The following DUSP22 variants were observed in gnomAD, a reference collection of about 807,000 sequenced individuals.
DUSP22 encodes the protein dual specificity phosphatase 22.
DUSP22 carries 24 observed loss-of-function variants against 24.5 expected under a neutral mutation model. The observed-to-expected ratio is 0.98, with a 90% CI of 0.71 to 1.38. The LOEUF is 1.38. Ranked by LOEUF, DUSP22 falls within the 40% of genes most tolerant of loss-of-function variation. The pLI is 0.00. For synonymous variants in DUSP22, 160 were observed against 106.4 expected, an observed-to-expected ratio of 1.50 and a Z score of -3.10; for missense variants, 330 against 269.2, an observed-to-expected ratio of 1.23 and a Z score of -1.58.
chr6:319,872 T>C (rs543149904), intron 3 of DUSP22: 1 of 152,512 alleles, frequency 6.6e-6, no homozygotes, highest in East Asian at 1.9e-4. Context: ...TTGAGGCAAA[T>C]TTGTTTGAAG....
At chr6:346,814 A>G (rs1455884545) in intron 5 of DUSP22, among the ~76,000 whole-genome samples, 1 of 152,420 alleles carries the variant, frequency 6.6e-6, no homozygotes, top group Non-Finnish European at 1.5e-5. Context: ...ATTGCTGCTG[A>G]GGTTGGTGGC....
At chr6:327,788 G>A (rs1175337622) in intron 3 of DUSP22, among the ~76,000 whole-genome samples, 1 of 152,298 alleles carries the variant, frequency 6.6e-6, no homozygotes, top group East Asian at 1.9e-4. Flanking sequence ...TCCAGAGAGA[G>A]AAAACCACAG....
intron 1 of DUSP22, among the ~76,000 whole-genome samples, chr6:297,471 G>A: frequency 6.6e-6 from 1 of 152,428 alleles, no homozygotes; most frequent in South Asian, 2.1e-4. Flanking sequence ...GTTCCCTCTA[G>A]GCATAGACCG....
chr6:330,979 C>T (rs1759115603), intron 3 of DUSP22, among the ~76,000 whole-genome samples: 1 of 152,298 alleles, frequency 6.6e-6, no homozygotes, highest in Non-Finnish European at 1.5e-5. Flanking sequence ...CTGTTCCTTA[C>T]TTCTTCCCCC....
Position 350,809 on chromosome 6 carries a change from T to A in DUSP22, c.*1858T>A. ...TTTTAATATTTGTTGCCAGTAATGT[T>A]CTTTCTTCACAGCCGCTCCGGGAAT... is the stretch of plus-strand genomic sequence containing the variant. On this transcript the variant is annotated 3_prime_UTR_variant, in exon 7 of 7. Coordinates refer to ENST00000419235, the MANE Select transcript of DUSP22 (RefSeq NM_001286555.3). 2 of 1,614,286 alleles carry A rather than the reference T, an allele frequency of 1.2e-6. No homozygotes were observed. Among genetic ancestry groups the A allele is most frequent in the Non-Finnish European group, 1.7e-6 (2 of 1,180,038 alleles).
intron 4 of DUSP22, among the ~76,000 whole-genome samples, chr6:338,348 A>G (rs541799562): frequency 6.6e-5 from 10 of 152,416 alleles, no homozygotes; most frequent in Non-Finnish European, 1.5e-4. Flanking sequence ...CAAGTGTTCT[A>G]CTGGAAGGCA....
chr6:295,167 A>G (rs1243489194), intron 1 of DUSP22, among the ~76,000 whole-genome samples: 5 of 152,412 alleles, frequency 3.3e-5, no homozygotes, highest in Admixed American at 2.6e-4. Context: ...AAATATGTGC[A>G]ATGTCTTTGG....
Position 349,575 on chromosome 6 carries a change from G to A in DUSP22, c.*624G>A, listed in dbSNP as rs1038464942. ...ACCCACCCAGGGTGGTGTGGTGGGGGCAACAGGGGCCAGACTCCTCTAGAG... is the reference window on the plus strand; with the variant it reads ...ACCCACCCAGGGTGGTGTGGTGGGGACAACAGGGGCCAGACTCCTCTAGAG... On this transcript the variant is annotated 3_prime_UTR_variant, in exon 7 of 7. Transcript: ENST00000419235. 7.3e-5 allele frequency: 72 copies of A among 988,930 alleles called. No homozygotes were observed. Among genetic ancestry groups the A allele is most frequent in the East Asian group, 1.1e-4 (1 of 8,900 alleles). The allele number at this position is 988,930 out of a possible 1,614,324, so 61.3% of individuals were successfully genotyped here. A position where few individuals can be genotyped will look rare whatever the true frequency, so the allele number is the denominator to read the frequency against.
chr6:293,059 G>A (rs746564008), intron 1 of DUSP22, among the ~76,000 whole-genome samples: 1 of 152,288 alleles, frequency 6.6e-6, no homozygotes, highest in Non-Finnish European at 1.5e-5. Flanking sequence ...AGTTAACAGA[G>A]TCCTAAGTCC....
chr6:307,746 G>A (rs576871138), intron 2 of DUSP22, among the ~76,000 whole-genome samples: 199 of 152,388 alleles, frequency 1.3e-3, no homozygotes, highest in Middle Eastern at 6.8e-3. Context: ...AAGTGGGAAC[G>A]CTCTTAGGTA....
intron 3 of DUSP22, among the ~76,000 whole-genome samples, chr6:314,546 T>C (rs374637774): frequency 6.6e-6 from 1 of 152,304 alleles, no homozygotes; most frequent in Non-Finnish European, 1.5e-5. Flanking sequence ...TCTGCCTTTA[T>C]TGTGATGGAG....
chr6:324,321 C>T (rs1197986285), intron 3 of DUSP22, among the ~76,000 whole-genome samples: 5 of 152,300 alleles, frequency 3.3e-5, no homozygotes, highest in Admixed American at 3.3e-4. Flanking sequence ...TGCCGCCCTT[C>T]CTGGGGAGGC....
intron 1 of DUSP22, among the ~76,000 whole-genome samples, 187 bp downstream of exon 1, chr6:292,747 C>T (rs113341688): frequency 0.017 from 2,586 of 151,536 alleles, 2 homozygotes; most frequent in African/African-American, 0.061. Flanking sequence ...CCCGCCCCCA[C>T]CCCACCCGGC....
At chr6:293,758 A>G (rs35509967) in intron 1 of DUSP22, among the ~76,000 whole-genome samples, 1,931 of 148,768 alleles carry the variant, frequency 0.013, 3 homozygotes, top group Middle Eastern at 0.029. Context: ...GGACCTGCAT[A>G]TCAATACTGG....
At chr6:322,699 G>A (rs1184492471) in intron 3 of DUSP22, among the ~76,000 whole-genome samples, 2 of 152,296 alleles carry the variant, frequency 1.3e-5, no homozygotes, top group African/African-American at 4.8e-5. Context: ...GGGAAAGAGT[G>A]TTTCTTGTTC....
intron 3 of DUSP22, among the ~76,000 whole-genome samples, chr6:323,434 GAA>G (rs1758703001): frequency 6.6e-6 from 1 of 152,298 alleles, no homozygotes; most frequent in African/African-American, 2.4e-5. Flanking sequence ...AATGCATGGT[GAA>G]AGTTCTGGGC....
chr6:347,979 A>T (rs1759961441), intron 5 of DUSP22, 124 bp from the exon 6 acceptor site: 1 of 1,435,204 alleles, frequency 7.0e-7, no homozygotes, highest in Non-Finnish European at 9.5e-7. Flanking sequence ...TGCTGTCCAC[A>T]TATAATCCAA....
At chr6:307,636 G>T (rs1757870369) in intron 2 of DUSP22, among the ~76,000 whole-genome samples, 1 of 152,306 alleles carries the variant, frequency 6.6e-6, no homozygotes. Context: ...TGGGCCGGAG[G>T]GTGGGTCCGT....
chr6:335,086 T>C, intron 3 of DUSP22, 28 bp from the exon 4 acceptor site: 2 of 1,607,776 alleles, frequency 1.2e-6, no homozygotes, highest in Non-Finnish European at 1.7e-6. Flanking sequence ...TTTTTATTTT[T>C]ATGTATTTAC....
Sources: allele counts gnomAD v4.1 joint callset (sites outside exome capture counted in the v4.1 genomes callset), GRCh38; gene constraint gnomAD v4.1.1; transcripts MANE v1.5; gene names NCBI Gene and HGNC (gene_info 2026-07-23, HGNC 2026-07-21).